The following CRK variants were observed in gnomAD, a reference collection of about 807,000 sequenced individuals.
The protein encoded by CRK is CRK proto-oncogene, adaptor protein.
In CRK, 4 loss-of-function variants were observed where a neutral mutation model predicts 29.8. That is an observed-to-expected ratio of 0.13 (90% CI 0.07 to 0.31). The LOEUF is 0.31. CRK is among the 10% of genes least tolerant of loss of function. CRK has a pLI of 1.00. For synonymous variants in CRK, 153 were observed against 164.9 expected (o/e 0.93, Z 0.55); for missense variants, 274 against 396.5 (o/e 0.69, Z 2.62).
chr17:1,439,799 C>T (rs1336137949), intron 1 of CRK, among the ~76,000 whole-genome samples: 2 of 152,052 alleles, frequency 1.3e-5, no homozygotes, highest in Non-Finnish European at 2.9e-5. Flanking sequence ...GCCATGATCA[C>T]GCCACTGCAC....
chr17:1,439,244 C>T (rs1294532057), intron 1 of CRK, among the ~76,000 whole-genome samples: 3 of 152,104 alleles, frequency 2.0e-5, no homozygotes, highest in South Asian at 4.1e-4. Flanking sequence ...TACAGGCACC[C>T]GCCACCATGC....
At chr17:1,432,474 C>T (rs1490469665) in intron 2 of CRK, among the ~76,000 whole-genome samples, 5 of 43,210 alleles carry the variant, frequency 1.2e-4, no homozygotes, top group South Asian at 9.1e-4. Context: ...GAGACCTTGT[C>T]TTAAAAAAAA....
intron 1 of CRK, among the ~76,000 whole-genome samples, chr17:1,443,608 C>T (rs957409105): frequency 6.7e-6 from 1 of 150,280 alleles, no homozygotes; most frequent in Non-Finnish European, 1.5e-5. Context: ...ACCATGTTAG[C>T]CAGGATGGTT....
At chr17:1,452,276 A>G (rs1423032943) in intron 1 of CRK, among the ~76,000 whole-genome samples, 1 of 152,204 alleles carries the variant, frequency 6.6e-6, no homozygotes, top group East Asian at 1.9e-4. Flanking sequence ...TTATCTCACT[A>G]GATTGTCCTA....
intron 1 of CRK, among the ~76,000 whole-genome samples, chr17:1,439,241 A>T (rs957015958): frequency 3.3e-5 from 5 of 151,980 alleles, no homozygotes; most frequent in African/African-American, 1.2e-4. Flanking sequence ...GACTACAGGC[A>T]CCCGCCACCA....
intron 1 of CRK, among the ~76,000 whole-genome samples, chr17:1,450,622 C>T (rs2074010157): frequency 6.6e-6 from 1 of 152,234 alleles, no homozygotes; most frequent in Non-Finnish European, 1.5e-5. Flanking sequence ...ATGGCTCACA[C>T]CTGTAATCCC....
At chr17:1,440,670 T>C (rs1450589968) in intron 1 of CRK, among the ~76,000 whole-genome samples, 3 of 151,824 alleles carry the variant, frequency 2.0e-5, no homozygotes, top group Non-Finnish European at 4.4e-5. Flanking sequence ...CCCAGCACTT[T>C]GGGAGGCCGA....
At position 1,441,403 on chromosome 17, in the gene CRK, A is replaced by AC. The variant is rs1278827250; in HGVS notation, c.242-4249dup. On this transcript the variant is annotated intron_variant, in intron 1 of 2. Transcript: ENST00000300574. Reference sequence around the variant, plus strand: ...GAGTGCAGTAGTGTGATCACAGCTCACCGCAGTCTCAAACTCCTGGGCTCA... The same window carrying AC: ...GAGTGCAGTAGTGTGATCACAGCTCACCCGCAGTCTCAAACTCCTGGGCTCA... Among the ~76,000 whole-genome samples, 6 of 152,040 alleles carry AC rather than the reference A, an allele frequency of 3.9e-5. No homozygotes were observed. The East Asian group carries it at 1.2e-3, about 29-fold the overall frequency.
In CRK at chr17:1,456,177, G is replaced by GCGCCCGC. The variant is rs1302543210; in HGVS notation, c.-67_-61dup. 7.3e-7 allele frequency: 1 copy of GCGCCCGC among 1,377,932 alleles called. No individual in the cohort carries two copies. Among genetic ancestry groups the GCGCCCGC allele is most frequent in the Non-Finnish European group, 9.3e-7 (1 of 1,070,196 alleles). 85.4% of individuals were successfully genotyped at this position (1,377,932 alleles called of 1,614,324 possible). ...GCCGCGCGCGCCCCTCCGGCCCCCG[G>GCGCCCGC]CGCCCGCCGCCCAGCGGACCGGCTC... On this transcript the variant is annotated 5_prime_UTR_variant, in exon 1 of 3. Coordinates refer to ENST00000300574, the MANE Select transcript of CRK (RefSeq NM_016823.4).
chr17:1,428,353 A>G (rs881054), intron 2 of CRK, among the ~76,000 whole-genome samples: 111,128 of 151,300 alleles, frequency 0.73, 41,132 homozygotes, highest in African/African-American at 0.82. Context: ...TCCTGACTTC[A>G]TGATCTGCCT....
intron 2 of CRK, chr17:1,426,589 GGCGTGGTGGCGCACGCCTATAATCTCA>G (rs1379857115): frequency 6.6e-6 from 1 of 152,120 alleles, no homozygotes; most frequent in Non-Finnish European, 1.5e-5. Context: ...AAATTGGCTG[GGCGTGGTGGCGCACGCCTATAATCTCA>G]GCACTTTGGG....
rs565959637 is a variant in CRK at position 1,438,549 on chromosome 17, C to T, written c.242-1394G>A. 2.0e-5 allele frequency among the ~76,000 whole-genome samples: 3 copies of T among 151,740 alleles called. No homozygotes were observed. In the South Asian group the frequency reaches 6.3e-4, roughly 32 times the overall value. The stretch of plus-strand genomic sequence containing the variant: ...GGGCTAACTGCTTAAAAATCAATTC[C>T]CGAGATCGTAAATAAAACAGAAACT... On this transcript the variant is annotated intron_variant, in intron 1 of 2. Transcript: ENST00000300574.
chr17:1,449,350 A>C (rs1315624002), intron 1 of CRK, among the ~76,000 whole-genome samples: 1 of 152,072 alleles, frequency 6.6e-6, no homozygotes, highest in Non-Finnish European at 1.5e-5. Context: ...CTCAAAGATA[A>C]GAAGTTTTCC....
At chr17:1,450,206 A>C (rs1370564653) in intron 1 of CRK, among the ~76,000 whole-genome samples, 3 of 152,070 alleles carry the variant, frequency 2.0e-5, no homozygotes, top group African/African-American at 7.2e-5. Flanking sequence ...CTCTGTCTCA[A>C]AACATAAATA....
intron 1 of CRK, among the ~76,000 whole-genome samples, chr17:1,453,495 G>GT (rs1414023189): frequency 1.3e-5 from 2 of 152,100 alleles, no homozygotes; most frequent in Non-Finnish European, 2.9e-5. Context: ...AATATATCTG[G>GT]TTCAGGGCCA....
chr17:1,450,915 G>A (rs555121591), intron 1 of CRK, among the ~76,000 whole-genome samples: 15 of 148,008 alleles, frequency 1.0e-4, no homozygotes, highest in African/African-American at 3.0e-4. Flanking sequence ...CAAATAGGCC[G>A]GGCGCGGTGG....
Sources: gnomAD v4.1 joint callset for allele counts (sites outside exome capture counted in the v4.1 genomes callset) on GRCh38, gnomAD v4.1.1 for gene constraint, MANE v1.5 for transcripts, NCBI Gene and HGNC (gene_info 2026-07-23, HGNC 2026-07-21) for gene names.